TK2: variants seen among roughly 807,000 people sequenced by gnomAD.
TK2 encodes the protein thymidine kinase 2, mitochondrial.
Under a neutral mutation model 41.9 loss-of-function variants are expected in TK2, and 35 were observed. The ratio of observed to expected loss-of-function variants is 0.84; its 90% CI spans 0.64 to 1.11. The LOEUF is 1.11. TK2 is among the 50% of genes least tolerant of loss of function. The pLI, the probability that TK2 is intolerant of heterozygous loss-of-function variation, is 0.00. For synonymous variants in TK2, 128 were observed against 129.1 expected, an observed-to-expected ratio of 0.99 and a Z score of 0.06; for missense variants, 320 against 351.1, an observed-to-expected ratio of 0.91 and a Z score of 0.71.
chr16:66,511,846 TA>T lies in TK2; in HGVS notation c.*121del, dbSNP rs1964458906. The T allele has an allele frequency of 3.7e-6, 3 of 810,294 alleles. No homozygotes were observed. Among genetic ancestry groups the T allele is most frequent in the Non-Finnish European group, 6.4e-6 (3 of 471,506 alleles). 50.2% of individuals were successfully genotyped at this position (810,294 alleles called of 1,614,324 possible). On this transcript the variant is annotated 3_prime_UTR_variant, in exon 10 of 10. Transcript: ENST00000544898. ...ACACTAGCAAAGGAGATGAGACCAT[TA>T]GGAAAATCAAGCTGGCCAGACACAA...
At chr16:66,535,478 A>G (rs1965249094) in intron 4 of TK2, among the ~76,000 whole-genome samples, 1 of 152,216 alleles carries the variant, frequency 6.6e-6, no homozygotes, top group Non-Finnish European at 1.5e-5. Flanking sequence ...GATGACTGGT[A>G]TTCCATCTTC....
chr16:66,531,580 G>A lies in TK2; in HGVS notation c.286-111C>T, dbSNP rs1182593936. ...AGAAACCTACACAGGCAGGGTTGGGGCTGGAGATAAACCCAGCATGATCAC... is the reference window on the plus strand; with the variant it reads ...AGAAACCTACACAGGCAGGGTTGGGACTGGAGATAAACCCAGCATGATCAC... On this transcript the variant is annotated intron_variant, in intron 4 of 9. Coordinates refer to ENST00000544898, the MANE Select transcript of TK2 (RefSeq NM_004614.5). 6.9e-6 allele frequency: 7 copies of A among 1,019,318 alleles called. No homozygotes were observed. The East Asian group carries it at 7.7e-5, about 11-fold the overall frequency. 63.1% of individuals were successfully genotyped at this position (1,019,318 alleles called of 1,614,324 possible).
chr16:66,515,887 T>G (rs919967713), intron 8 of TK2, among the ~76,000 whole-genome samples: 2 of 151,998 alleles, frequency 1.3e-5, no homozygotes, highest in Non-Finnish European at 2.9e-5. Flanking sequence ...ATTTCAGGAG[T>G]TGGATAGGCT....
At chr16:66,512,937 A>G (rs1173774655) in intron 9 of TK2, among the ~76,000 whole-genome samples, 1 of 152,136 alleles carries the variant, frequency 6.6e-6, no homozygotes, top group Non-Finnish European at 1.5e-5. Flanking sequence ...CATCCCATCA[A>G]ACAATGCTCC....
intron 6 of TK2, among the ~76,000 whole-genome samples, chr16:66,524,646 T>C (rs1964877102): frequency 6.6e-6 from 1 of 152,170 alleles, no homozygotes; most frequent in South Asian, 2.1e-4. Flanking sequence ...CCCTGCCACC[T>C]TCTTCTGAGG....
chr16:66,512,406 G>T (rs1964478302), intron 9 of TK2, among the ~76,000 whole-genome samples: 1 of 152,040 alleles, frequency 6.6e-6, no homozygotes, highest in Non-Finnish European at 1.5e-5. Context: ...GCTCATGAAT[G>T]ATTTGTTTTT....
At chr16:66,527,091 G>A (rs1336168884) in intron 6 of TK2, among the ~76,000 whole-genome samples, 5 of 152,234 alleles carry the variant, frequency 3.3e-5, no homozygotes, top group African/African-American at 1.2e-4. Flanking sequence ...AGCAGGAGCT[G>A]AGGACCGCAG....
At chr16:66,542,837 A>T (rs1965497597) in intron 2 of TK2, among the ~76,000 whole-genome samples, 1 of 152,184 alleles carries the variant, frequency 6.6e-6, no homozygotes, top group South Asian at 2.1e-4. Context: ...CAGACCAATT[A>T]CACCACAATC....
At position 66,514,553 on chromosome 16, in the gene TK2, G is replaced by A. The variant is rs889440825; in HGVS notation, c.619-742C>T. 6.6e-6 allele frequency among the ~76,000 whole-genome samples: 1 copy of A among 152,198 alleles called. No homozygotes were observed. Among genetic ancestry groups the A allele is most frequent in the Non-Finnish European group, 1.5e-5 (1 of 68,046 alleles). On this transcript the variant is annotated intron_variant, in intron 8 of 9. Transcript: ENST00000544898. This position sits in a 1 kb window ranked among gnomAD's most constrained non-coding sequence, Gnocchi z 4.2. Reference sequence around the variant, plus strand: ...GCCCGGCTGCCACCCCGTCTAGGAAGTGAGGAGTGTCTCTGCCTGGCCGCC... The same window carrying A: ...GCCCGGCTGCCACCCCGTCTAGGAAATGAGGAGTGTCTCTGCCTGGCCGCC...
chr16:66,524,160 C>T (rs552312772), intron 6 of TK2, among the ~76,000 whole-genome samples: 5 of 152,198 alleles, frequency 3.3e-5, no homozygotes, highest in African/African-American at 9.6e-5. Flanking sequence ...TCCTGCACTG[C>T]GCAGAACTTT....
chr16:66,516,541 CAGATTTTGAAGGG>C (rs1334835075), intron 8 of TK2, among the ~76,000 whole-genome samples: 6 of 152,100 alleles, frequency 3.9e-5, no homozygotes, highest in Non-Finnish European at 5.9e-5. Context: ...GCCTGGAGGC[CAGATTTTGAAGGG>C]AGATGCAAGG....
At chr16:66,522,152 C>CA (rs1964799761) in intron 6 of TK2, among the ~76,000 whole-genome samples, 1 of 152,198 alleles carries the variant, frequency 6.6e-6, no homozygotes, top group Non-Finnish European at 1.5e-5. Context: ...ACCACCCGCC[C>CA]ACCCCAGTCT....
At chr16:66,547,887 C>T in intron 2 of TK2, 2 of 1,254,838 alleles carry the variant, frequency 1.6e-6, no homozygotes, top group South Asian at 1.3e-5. Context: ...CACATCAAAC[C>T]ACACCCAAAA....
intron 2 of TK2, among the ~76,000 whole-genome samples, chr16:66,544,778 T>G (rs1357729020): frequency 6.6e-6 from 1 of 152,240 alleles, no homozygotes; most frequent in Non-Finnish European, 1.5e-5. Context: ...AAATTAAGCA[T>G]TCTTGTGCTA....
rs527250026 is a variant in TK2 at position 66,541,829 on chromosome 16, A to T, written c.231+50T>A. The T allele has an allele frequency of 1.3e-5, 21 of 1,592,816 alleles. No individual in the cohort carries two copies. In the East Asian group the frequency reaches 4.2e-4, roughly 32 times the overall value. On this transcript the variant is annotated intron_variant, in intron 3 of 9. Coordinates refer to ENST00000544898, the MANE Select transcript of TK2 (RefSeq NM_004614.5). ...GGTTAGTCCACACCCTCTATAAATT[A>T]TCCCATCAAGCTTTCTCCGCTTCCT...
rs553814560 is a variant in TK2, at chr16:66,534,685, G to A, written c.285+2279C>T. ...GCAGTGCTCACACCCTCATGTTTAA[G>A]CACCTTATCATAGACACATTCCCTG... On this transcript the variant is annotated intron_variant, in intron 4 of 9. Coordinates refer to ENST00000544898, the MANE Select transcript of TK2 (RefSeq NM_004614.5). Among the ~76,000 whole-genome samples the A allele has an allele frequency of 2.6e-5, 4 of 152,306 alleles. No individual in the cohort carries two copies. In the South Asian group the frequency reaches 8.3e-4, roughly 32 times the overall value.
rs554888171 is a variant in TK2 at position 66,516,522 on chromosome 16, C to T, written c.618+614G>A. Among the ~76,000 whole-genome samples the T allele has an allele frequency of 6.6e-5, 10 of 152,138 alleles. No homozygotes were observed. The South Asian group carries it at 2.1e-3, about 32-fold the overall frequency. Reference sequence around the variant, plus strand: ...GGTGATGAGTATTGGAAATATCAGCCGGGCGGCAGCCTGGAGGCCAGATTT... The same window carrying T: ...GGTGATGAGTATTGGAAATATCAGCTGGGCGGCAGCCTGGAGGCCAGATTT... On this transcript the variant is annotated intron_variant, in intron 8 of 9. Coordinates refer to ENST00000544898, the MANE Select transcript of TK2 (RefSeq NM_004614.5).
chr16:66,537,127 CTA>C (rs763583211), intron 3 of TK2, 110 bp from the exon 4 acceptor site: 1 of 1,506,450 alleles, frequency 6.6e-7, no homozygotes, highest in Non-Finnish European at 9.1e-7. Flanking sequence ...GAGAAAAAGA[CTA>C]TCCAAATTTG....
chr16:66,530,363 C>T (rs1374182256), intron 5 of TK2, among the ~76,000 whole-genome samples: 1 of 152,190 alleles, frequency 6.6e-6, no homozygotes, highest in African/African-American at 2.4e-5. Context: ...AACATAGGTG[C>T]TGATCAGGAC....
Sources: gnomAD v4.1 joint callset for allele counts (sites outside exome capture counted in the v4.1 genomes callset) on GRCh38, gnomAD v4.1.1 for gene constraint, Gnocchi (gnomAD v3.1) non-coding constraint, MANE v1.5 for transcripts, NCBI Gene and HGNC (gene_info 2026-07-23, HGNC 2026-07-21) for gene names.